B4GALNT3: variants seen among roughly 807,000 people sequenced by gnomAD.
B4GALNT3 encodes beta-1,4-N-acetylgalactosaminyltransferase 3.
In B4GALNT3, 86 loss-of-function variants were observed where a neutral mutation model predicts 120.2. The observed-to-expected ratio is 0.72, with a 90% confidence interval of 0.60 to 0.86. The LOEUF is 0.86. B4GALNT3 is among the 40% of genes least tolerant of loss of function. B4GALNT3 has a pLI of 0.00. For missense variants in B4GALNT3, 1,167 were observed against 1,298.9 expected (o/e 0.90, Z 1.56); for synonymous variants, 518 against 510.4 (o/e 1.01, Z -0.20).
rs183150321 is a variant in B4GALNT3 at position 527,580 on chromosome 12, C to T, written c.170-7586C>T. 5.3e-5 allele frequency among the ~76,000 whole-genome samples: 8 copies of T among 152,354 alleles called. 1 individual carries two copies. The East Asian group carries it at 1.5e-3, about 29-fold the overall frequency. ...GACTTATCATGGCCCCACCCATATC[C>T]ATCTGCTCATCTAGAGGAACGGGTA... On this transcript the variant is annotated intron_variant, in intron 1 of 19. Coordinates refer to ENST00000266383, the MANE Select transcript of B4GALNT3 (RefSeq NM_173593.4).
In B4GALNT3 at chr12:550,019, C is replaced by T. The variant is rs1262879564; in HGVS notation, c.997+107C>T. 13 of 1,277,488 alleles carry T rather than the reference C, an allele frequency of 1.0e-5. No homozygotes were observed. The highest frequency in any genetic ancestry group is 7.7e-5 in the East Asian group (3 of 39,156). 79.1% of individuals were successfully genotyped at this position (1,277,488 alleles called of 1,614,324 possible). ...GAGACCTGCCAAGTATCCCAATCAC[C>T]GTAGAACTTTTTATCGTCCTTGTAA... On this transcript the variant is annotated intron_variant, in intron 10 of 19. Coordinates refer to ENST00000266383, the MANE Select transcript of B4GALNT3 (RefSeq NM_173593.4). This position sits in a 1 kb window ranked among gnomAD's most constrained non-coding sequence, Gnocchi z 4.1.
At chr12:551,067 G>A (rs1489819670) in intron 11 of B4GALNT3, 36 bp downstream of exon 11, 1 of 1,525,678 alleles carries the variant, frequency 6.6e-7, no homozygotes, top group Non-Finnish European at 9.1e-7. Flanking sequence ...GAGCAGGGCT[G>A]GCAGAGGGAT....
chr12:468,444 T>G (rs188969277), intron 1 of B4GALNT3, among the ~76,000 whole-genome samples: 8 of 152,318 alleles, frequency 5.3e-5, no homozygotes, highest in African/African-American at 1.4e-4. Flanking sequence ...TACCAAAAGC[T>G]TAGAATTTAC....
intron 19 of B4GALNT3, among the ~76,000 whole-genome samples, chr12:560,294 ACTT>A (rs1483636285): frequency 1.3e-5 from 2 of 152,116 alleles, no homozygotes; most frequent in African/African-American, 4.8e-5. Flanking sequence ...AGACACGCTC[ACTT>A]CTTCCCGAGA....
intron 3 of B4GALNT3, among the ~76,000 whole-genome samples, chr12:542,294 C>T (rs1349804498): frequency 1.3e-5 from 2 of 152,190 alleles, no homozygotes; most frequent in African/African-American, 2.4e-5. Context: ...GCTGCGCCCA[C>T]CCCACCAGCC....
Position 460,691 on chromosome 12 carries a change from CTCGGGGAGAGCT to C in B4GALNT3, c.169+147_169+158del. 1.1e-6 allele frequency: 1 copy of C among 908,560 alleles called. No homozygotes were observed. The highest frequency in any genetic ancestry group is 1.5e-6 in the Non-Finnish European group (1 of 688,472). The allele number at this position is 908,560 out of a possible 1,614,324, so 56.3% of individuals were successfully genotyped here. On this transcript the variant is annotated intron_variant, in intron 1 of 19. Coordinates refer to ENST00000266383, the MANE Select transcript of B4GALNT3 (RefSeq NM_173593.4). The surrounding 1 kb of genome is among the most constrained non-coding windows in gnomAD (Gnocchi z 8.0). ...GGTGCCCGGCGTCGCCCCGCGCGTA[CTCGGGGAGAGCT>C]GCGGGCGGGGGAAGCCGCGGGGCCG...
intron 1 of B4GALNT3, among the ~76,000 whole-genome samples, chr12:528,246 C>T (rs765724619): frequency 2.0e-5 from 3 of 151,974 alleles, no homozygotes; most frequent in Non-Finnish European, 4.4e-5. Context: ...GACGGGGTCT[C>T]ATCATATGGC....
chr12:556,685 C>T lies in B4GALNT3; in HGVS notation c.2199C>T (p.Gly733=). Residue 733 remains glycine, a synonymous_variant, in exon 15 of 20, where the codon GGC becomes GGT. Coordinates refer to ENST00000266383, the MANE Select transcript of B4GALNT3 (RefSeq NM_173593.4). ...TCTCGGAGTATGTGTCTGCACGAGG[C>T]TGGCAGGGCATCGATCCAGCTGGTG... ...VRLSEYVSAR[G]WQGIDPAGGE... is the part of the protein sequence containing the mutation. 2 of 1,613,972 alleles carry T rather than the reference C, an allele frequency of 1.2e-6. No homozygotes were observed. Among genetic ancestry groups the T allele is most frequent in the South Asian group, 1.1e-5 (1 of 91,088 alleles).
At position 464,869 on chromosome 12, in the gene B4GALNT3, G is replaced by A. The variant is rs116198123; in HGVS notation, c.169+4324G>A. Among the ~76,000 whole-genome samples the A allele has an allele frequency of 7.3e-3, 1,107 of 152,284 alleles. 13 individuals carry two copies. Among genetic ancestry groups the A allele is most frequent in the African/African-American group, 0.025 (1,030 of 41,542 alleles). On this transcript the variant is annotated intron_variant, in intron 1 of 19. Transcript: ENST00000266383. ...GGCCTTTGTGACTTCTGGCTGACTC[G>A]AGTGGGCTGAGGGAGGCACACCCGC...
rs1439647436 is a variant in B4GALNT3, at chr12:550,075, G to C, written c.997+163G>C. On this transcript the variant is annotated intron_variant, in intron 10 of 19. Transcript: ENST00000266383. This position sits in a 1 kb window ranked among gnomAD's most constrained non-coding sequence, Gnocchi z 4.1. ...AACATGCATACAGAAAAGAGAGCATGTAAATAAGTATAAAATATTTACGTG... is the reference window on the plus strand; with the variant it reads ...AACATGCATACAGAAAAGAGAGCATCTAAATAAGTATAAAATATTTACGTG... Among the ~76,000 whole-genome samples the C allele has an allele frequency of 2.0e-5, 3 of 152,302 alleles. No individual in the cohort carries two copies. Among genetic ancestry groups the C allele is most frequent in the Admixed American group, 2.0e-4 (3 of 15,300 alleles).
At chr12:515,860 G>A (rs139508654) in intron 1 of B4GALNT3, among the ~76,000 whole-genome samples, 3,294 of 152,074 alleles carry the variant, frequency 0.022, 135 homozygotes, top group African/African-American at 0.074. Flanking sequence ...GCTTTCAGCC[G>A]GGCACAGTGG....
intron 13 of B4GALNT3, chr12:552,860 G>A (rs896223062): frequency 2.4e-5 from 12 of 500,036 alleles, no homozygotes; most frequent in Non-Finnish European, 4.3e-5. Flanking sequence ...ACTGTCTTCT[G>A]GGGCCTTTCT....
At chr12:478,773 G>A (rs1363251221) in intron 1 of B4GALNT3, among the ~76,000 whole-genome samples, 1 of 152,192 alleles carries the variant, frequency 6.6e-6, no homozygotes, top group Non-Finnish European at 1.5e-5. Flanking sequence ...AGGAAGGGGT[G>A]GAAGGGCAGG....
At chr12:505,964 T>A (rs1019038322) in intron 1 of B4GALNT3, among the ~76,000 whole-genome samples, 1 of 152,206 alleles carries the variant, frequency 6.6e-6, no homozygotes, top group Non-Finnish European at 1.5e-5. Context: ...TTTGCATAGA[T>A]CTGAGCCAGG....
At position 460,631 on chromosome 12, in the gene B4GALNT3, T is replaced by C. The variant is rs1230488213; in HGVS notation, c.169+86T>C. ...TTGGGGGGACCCGCCTCTCATCCCA[T>C]CCTCAGACCCGATTTCCCACCCATT... On this transcript the variant is annotated intron_variant, in intron 1 of 19. Transcript: ENST00000266383. This position sits in a 1 kb window ranked among gnomAD's most constrained non-coding sequence, Gnocchi z 8.0. 1 of 1,182,330 alleles carries C rather than the reference T, an allele frequency of 8.5e-7. No individual in the cohort carries two copies. Among genetic ancestry groups the C allele is most frequent in the Non-Finnish European group, 1.1e-6 (1 of 930,724 alleles). 73.2% of individuals were successfully genotyped at this position (1,182,330 alleles called of 1,614,324 possible).
At chr12:553,019 G>A (rs1470770385) in intron 13 of B4GALNT3, 175 bp from the exon 14 acceptor site, 5 of 827,060 alleles carry the variant, frequency 6.0e-6, no homozygotes, top group Non-Finnish European at 7.7e-6. Flanking sequence ...AGAAACTGGG[G>A]TTAATTGAGG....
intron 1 of B4GALNT3, among the ~76,000 whole-genome samples, chr12:498,488 G>A (rs1419064242): frequency 6.7e-6 from 1 of 148,718 alleles, no homozygotes; most frequent in Admixed American, 6.9e-5. Flanking sequence ...TTGACTTCCT[G>A]TTTTTGTTTT....
intron 3 of B4GALNT3, among the ~76,000 whole-genome samples, chr12:539,427 G>A (rs1023357782): frequency 1.3e-5 from 2 of 151,962 alleles, no homozygotes; most frequent in African/African-American, 2.4e-5. Flanking sequence ...CAAAGCAAGT[G>A]AGATCAGAGT....
At chr12:527,779 C>T (rs1375588357) in intron 1 of B4GALNT3, among the ~76,000 whole-genome samples, 2 of 152,200 alleles carry the variant, frequency 1.3e-5, no homozygotes, top group African/African-American at 2.4e-5. Flanking sequence ...AGCAGGCTCA[C>T]ACTCAAATGC....
Sources: allele counts gnomAD v4.1 joint callset (sites outside exome capture counted in the v4.1 genomes callset), GRCh38; gene constraint gnomAD v4.1.1; non-coding constraint Gnocchi (gnomAD v3.1); transcripts MANE v1.5; gene names NCBI Gene and HGNC (gene_info 2026-07-23, HGNC 2026-07-21).